Variants in RGS7 observed in about 807,000 individuals in gnomAD.
The protein encoded by RGS7 is regulator of G-protein signaling 7.
RGS7 carries 27 observed loss-of-function variants against 81.1 expected under a neutral mutation model. The observed-to-expected ratio is 0.33, with a 90% CI of 0.25 to 0.46. The LOEUF (loss-of-function observed/expected upper bound fraction) is 0.46. Among genes scored for constraint, RGS7 ranks in the 20% least tolerant of loss-of-function variants. The pLI, the probability that RGS7 is intolerant of heterozygous loss-of-function variation, is 1.00. For missense variants in RGS7, 396 were observed against 607.4 expected, an observed-to-expected ratio of 0.65 and a Z score of 3.66; for synonymous variants, 208 against 207.7, an observed-to-expected ratio of 1.00 and a Z score of -0.01.
At position 241,259,667 on chromosome 1, in the gene RGS7, A is replaced by AAAAAAAAAAAAAAAAAATAT; in HGVS notation, c.78+96031_78+96032insATATTTTTTTTTTTTTTTTT. On this transcript the variant is annotated intron_variant, in intron 2 of 18. Transcript: ENST00000440928. ...CTCCGTCTCAAAAAAAAAAAAAAAA[A>AAAAAAAAAAAAAAAAAATAT]ATATATATATATATATATAATTAAA... Among the ~76,000 whole-genome samples, 43 of 49,120 alleles carry AAAAAAAAAAAAAAAAAATAT rather than the reference A, an allele frequency of 8.8e-4. 1 individual carries two copies. The highest frequency in any genetic ancestry group is 2.4e-3 in the East Asian group (4 of 1,642). 32.2% of individuals were successfully genotyped at this position (49,120 alleles called of 152,430 possible).
chr1:241,013,744 G>A (rs1019416508), intron 3 of RGS7, among the ~76,000 whole-genome samples: 22 of 152,132 alleles, frequency 1.4e-4, no homozygotes, highest in Admixed American at 5.9e-4. Context: ...CCCTGTCAAG[G>A]AATTTAAAAA....
At chr1:240,810,905 T>C (rs946819742) in intron 14 of RGS7, among the ~76,000 whole-genome samples, 3 of 152,216 alleles carry the variant, frequency 2.0e-5, no homozygotes, top group African/African-American at 7.2e-5. Flanking sequence ...AATAGGAAGC[T>C]GCATGCCAGC....
At chr1:241,084,710 C>A (rs541054010) in intron 3 of RGS7, among the ~76,000 whole-genome samples, 1 of 152,172 alleles carries the variant, frequency 6.6e-6, no homozygotes, top group African/African-American at 2.4e-5. Context: ...GACTAGAAGT[C>A]AAATTTCAAC....
In RGS7 at chr1:240,841,965, C is replaced by G. The variant is rs12562289; in HGVS notation, c.610-14793G>C. Among the ~76,000 whole-genome samples, 729 of 152,138 alleles carry G rather than the reference C, an allele frequency of 4.8e-3. 24 individuals carry two copies. In the East Asian group the frequency reaches 0.082, roughly 17 times the overall value. ...TTGGAAAAGTAGAAACTTCTTTAAG[C>G]CTTGGTGTCTCTTCTTTCAGAGCGA... is the stretch of plus-strand genomic sequence containing the variant. On this transcript the variant is annotated intron_variant, in intron 9 of 18. Coordinates refer to ENST00000440928, the MANE Select transcript of RGS7 (RefSeq NM_001364886.1).
intron 2 of RGS7, among the ~76,000 whole-genome samples, chr1:241,187,044 T>C (rs1480842223): frequency 2.0e-5 from 3 of 152,176 alleles, no homozygotes; most frequent in African/African-American, 7.2e-5. Flanking sequence ...CGAGAATAGA[T>C]TTTCTAGTTT....
chr1:240,865,962 C>T (rs1663158101), intron 9 of RGS7, among the ~76,000 whole-genome samples: 1 of 152,100 alleles, frequency 6.6e-6, no homozygotes, highest in South Asian at 2.1e-4. Flanking sequence ...ACAGTAAGGA[C>T]CCAAAAGACT....
rs375675932 is a variant in RGS7, at chr1:241,056,876, T to C, written c.175+41790A>G. 2.6e-5 allele frequency among the ~76,000 whole-genome samples: 4 copies of C among 152,332 alleles called. No individual in the cohort carries two copies. The South Asian group carries it at 6.2e-4, about 24-fold the overall frequency. On this transcript the variant is annotated intron_variant, in intron 3 of 18. Coordinates refer to ENST00000440928, the MANE Select transcript of RGS7 (RefSeq NM_001364886.1). ...ACAAACATGTACATAAATAAAGCCA[T>C]TTACTTAAAATTAGGACAGACTGAC...
chr1:240,968,437 T>TA (rs1269588263), intron 4 of RGS7, among the ~76,000 whole-genome samples: 1 of 152,074 alleles, frequency 6.6e-6, no homozygotes, highest in Non-Finnish European at 1.5e-5. Context: ...ATGGTGCGTA[T>TA]AATGTACTGT....
At chr1:241,339,596 C>G (rs1344410540) in intron 2 of RGS7, among the ~76,000 whole-genome samples, 1 of 152,158 alleles carries the variant, frequency 6.6e-6, no homozygotes, top group Admixed American at 6.5e-5. Flanking sequence ...TTTATGTAGG[C>G]AGGTCAGGTA....
At chr1:240,934,958 G>A (rs1164039781) in intron 5 of RGS7, among the ~76,000 whole-genome samples, 2 of 135,080 alleles carry the variant, frequency 1.5e-5, no homozygotes, top group East Asian at 2.2e-4. Context: ...GCACAATCTC[G>A]GCTCACTGCA....
In RGS7 at chr1:241,018,400, T is replaced by A. The variant is rs1410461525; in HGVS notation, c.176-35271A>T. The stretch of plus-strand genomic sequence containing the variant: ...GGGACTCAGGTAAATATACCTTTAG[T>A]ATGAGATTACCTTTATTTATCTGGC... On this transcript the variant is annotated intron_variant, in intron 3 of 18. Coordinates refer to ENST00000440928, the MANE Select transcript of RGS7 (RefSeq NM_001364886.1). Among the ~76,000 whole-genome samples, 5 of 152,170 alleles carry A rather than the reference T, an allele frequency of 3.3e-5. No homozygotes were observed. In the East Asian group the frequency reaches 7.7e-4, roughly 23 times the overall value.
rs146318795 is a variant in RGS7 at position 241,009,134 on chromosome 1, C to T, written c.176-26005G>A. Among the ~76,000 whole-genome samples, 106 of 152,234 alleles carry T rather than the reference C, an allele frequency of 7.0e-4. 1 individual carries two copies. The East Asian group carries it at 0.012, about 18-fold the overall frequency. On this transcript the variant is annotated intron_variant, in intron 3 of 18. Transcript: ENST00000440928. The stretch of plus-strand genomic sequence containing the variant: ...TCATTATAGATTAACTTCCCTTTTA[C>T]TTCTTTTATACAAAGACCTCATGAC...
chr1:241,030,594 C>G (rs1429363037), intron 3 of RGS7, among the ~76,000 whole-genome samples: 3 of 151,488 alleles, frequency 2.0e-5, no homozygotes, highest in Non-Finnish European at 1.5e-5. Flanking sequence ...TGACCTATCT[C>G]TCTTTTCCTC....
At chr1:241,041,528 C>T (rs2060616515) in intron 3 of RGS7, among the ~76,000 whole-genome samples, 1 of 152,098 alleles carries the variant, frequency 6.6e-6, no homozygotes, top group African/African-American at 2.4e-5. Flanking sequence ...TGACAGTAAG[C>T]TCCAAATGCT....
At chr1:240,794,906 G>T (rs1686735001) in intron 18 of RGS7, among the ~76,000 whole-genome samples, 1 of 152,094 alleles carries the variant, frequency 6.6e-6, no homozygotes, top group Non-Finnish European at 1.5e-5. Context: ...GGTAAGGCTG[G>T]GCGTGGTGGC....
intron 2 of RGS7, among the ~76,000 whole-genome samples, chr1:241,216,358 A>G (rs1483985783): frequency 6.6e-6 from 1 of 152,182 alleles, no homozygotes; most frequent in Admixed American, 6.6e-5. Context: ...TCATCTTATA[A>G]ATTTAAAATA....
At chr1:241,003,823 A>C (rs1462609250) in intron 3 of RGS7, among the ~76,000 whole-genome samples, 1 of 152,098 alleles carries the variant, frequency 6.6e-6, no homozygotes, top group East Asian at 1.9e-4. Flanking sequence ...ATCTCGGCTC[A>C]CTGCAACCTC....
intron 9 of RGS7, among the ~76,000 whole-genome samples, chr1:240,831,114 T>C (rs537707017): frequency 3.9e-5 from 6 of 152,286 alleles, no homozygotes; most frequent in African/African-American, 1.4e-4. Context: ...AAATGAAATC[T>C]GCCAGTTCAA....
chr1:240,788,195 C>T (rs58317187), intron 18 of RGS7, among the ~76,000 whole-genome samples: 6,397 of 152,260 alleles, frequency 0.042, 140 homozygotes, highest in East Asian at 0.11. Context: ...ACAGAAGTAT[C>T]TTTTTCTTTT....
Sources: allele counts gnomAD v4.1 joint callset (sites outside exome capture counted in the v4.1 genomes callset), GRCh38; gene constraint gnomAD v4.1.1; transcripts MANE v1.5; gene names NCBI Gene and HGNC (gene_info 2026-07-23, HGNC 2026-07-21).